The following CELSR1 variants were observed in gnomAD, a reference collection of about 807,000 sequenced individuals.
The protein encoded by CELSR1 is cadherin EGF LAG seven-pass G-type receptor 1.
Under a neutral mutation model 249.1 loss-of-function variants are expected in CELSR1, and 110 were observed. The ratio of observed to expected loss-of-function variants is 0.44; its 90% CI spans 0.38 to 0.52. The LOEUF (loss-of-function observed/expected upper bound fraction) is 0.52. Among genes scored for constraint, CELSR1 ranks in the 20% least tolerant of loss-of-function variants. The probability of loss-of-function intolerance (pLI) is 0.00; values close to 1 mark genes in which losing one functional copy is unlikely to be tolerated. For synonymous variants in CELSR1, 2,113 were observed against 1,900.0 expected (o/e 1.11, Z -2.92); for missense variants, 4,109 against 4,296.4 (o/e 0.96, Z 1.22).
intron 19 of CELSR1, 127 bp from the exon 20 acceptor site, chr22:46,384,813 G>A: frequency 1.9e-6 from 2 of 1,075,910 alleles, no homozygotes; most frequent in Non-Finnish European, 2.5e-6. Context: ...TTTTTGAGGT[G>A]GAGTCTCGCA....
rs370743154 is a variant in CELSR1 at position 46,407,327 on chromosome 22, G to GCA, written c.5226+1667_5226+1668dup. Among the ~76,000 whole-genome samples the GCA allele has an allele frequency of 0.013, 2,035 of 152,000 alleles. 40 individuals carry two copies. The highest frequency in any genetic ancestry group is 0.041 in the African/African-American group (1,703 of 41,444). ...CACACACACTTGCACGGAGATATGC[G>GCA]CACACACACACACAAACTTGGAGAA... On this transcript the variant is annotated intron_variant, in intron 9 of 34. Coordinates refer to ENST00000674500, the MANE Select transcript of CELSR1 (RefSeq NM_001378328.1). This position sits in a 1 kb window ranked among gnomAD's most constrained non-coding sequence, Gnocchi z 4.8.
At chr22:46,520,227 C>T (rs879667518) in intron 1 of CELSR1, among the ~76,000 whole-genome samples, 5 of 152,104 alleles carry the variant, frequency 3.3e-5, no homozygotes, top group Non-Finnish European at 7.4e-5. Flanking sequence ...GGAAAAGGCA[C>T]AGAAGGAAGA....
chr22:46,443,076 G>C (rs527304845), intron 2 of CELSR1, among the ~76,000 whole-genome samples: 119 of 152,082 alleles, frequency 7.8e-4, no homozygotes, highest in Non-Finnish European at 1.4e-3. Context: ...CCAGCCTGGG[G>C]GACAGAGCGA....
At chr22:46,435,995 G>A (rs775695188) in intron 4 of CELSR1, among the ~76,000 whole-genome samples, 179 bp downstream of exon 4, 15 of 152,106 alleles carry the variant, frequency 9.9e-5, no homozygotes, top group African/African-American at 2.2e-4. Flanking sequence ...CACCACGCCC[G>A]GCCTGTTATG....
rs952251583 is a variant in CELSR1 at position 46,408,000 on chromosome 22, A to G, written c.5226+996T>C. On this transcript the variant is annotated intron_variant, in intron 9 of 34. Transcript: ENST00000674500. This position sits in a 1 kb window ranked among gnomAD's most constrained non-coding sequence, Gnocchi z 4.8. ...TGGGGAGGGTCCCCATGGCTGCCTCATGCGGCGGAGGTTGTGGCAGAAGGG... is the reference window on the plus strand; with the variant it reads ...TGGGGAGGGTCCCCATGGCTGCCTCGTGCGGCGGAGGTTGTGGCAGAAGGG... Among the ~76,000 whole-genome samples, 3 of 152,220 alleles carry G rather than the reference A, an allele frequency of 2.0e-5. No homozygotes were observed. Among genetic ancestry groups the G allele is most frequent in the African/African-American group, 7.2e-5 (3 of 41,470 alleles).
In CELSR1 at chr22:46,363,356, G is replaced by A; in HGVS notation, c.9036-109C>T. On this transcript the variant is annotated intron_variant, in intron 34 of 34. Transcript: ENST00000674500. The surrounding 1 kb of genome is among the most constrained non-coding windows in gnomAD (Gnocchi z 4.3). ...GGCAGGATCACCCCATCAGGGTAGA[G>A]GGGGCGTCTGGGGGCTCCAGGGAGG... 1.2e-6 allele frequency: 1 copy of A among 839,144 alleles called. No homozygotes were observed. The highest frequency in any genetic ancestry group is 2.6e-5 in the East Asian group (1 of 37,860). The allele number at this position is 839,144 out of a possible 1,614,324, so 52.0% of individuals were successfully genotyped here. A position where few individuals can be genotyped will look rare whatever the true frequency, so the allele number is the denominator to read the frequency against.
chr22:46,454,514 C>T lies in CELSR1; in HGVS notation c.4183+9193G>A, dbSNP rs930092846. 2.6e-5 allele frequency among the ~76,000 whole-genome samples: 4 copies of T among 152,320 alleles called. No homozygotes were observed. The South Asian group carries it at 8.3e-4, about 32-fold the overall frequency. On this transcript the variant is annotated intron_variant, in intron 2 of 34. Transcript: ENST00000674500. This position sits in a 1 kb window ranked among gnomAD's most constrained non-coding sequence, Gnocchi z 5.1. ...GCACAGACTTCGAAGTCACGGGGAA[C>T]GGCGTGTGCTTTAAACCACAGCGAG...
rs964896323 is a variant in CELSR1, at chr22:46,433,356, C to T, written c.4611+37G>A. On this transcript the variant is annotated intron_variant, in intron 5 of 34. Transcript: ENST00000674500. This position sits in a 1 kb window ranked among gnomAD's most constrained non-coding sequence, Gnocchi z 5.7. ...CGCCCCAGGGCACCTTCTCGAGCCG[C>T]CCTGGGGCCAGGGGGAAGTGGTGGG... is the stretch of plus-strand genomic sequence containing the variant. 3.0e-5 allele frequency: 47 copies of T among 1,574,276 alleles called. No individual in the cohort carries two copies. Among genetic ancestry groups the T allele is most frequent in the Non-Finnish European group, 3.8e-5 (44 of 1,147,778 alleles).
In CELSR1 at chr22:46,533,940, C is replaced by A. The variant is rs747002409; in HGVS notation, c.3231G>T (p.Thr1077=). Residue 1077 remains threonine, a synonymous_variant, in exon 1 of 35, where the codon ACG becomes ACT. Transcript: ENST00000674500. The stretch of plus-strand genomic sequence containing the variant: ...TGGCTCGGCTCACCAGCGGAGCCGA[C>A]GTGGCCTGCACCACCAGCACATACT... ...RREYVLVVQA[T]SAPLVSRATV... is the part of the protein sequence containing the mutation. 6.2e-7 allele frequency: 1 copy of A among 1,613,152 alleles called. No individual in the cohort carries two copies.
chr22:46,489,218 A>G (rs1457677834), intron 1 of CELSR1, among the ~76,000 whole-genome samples: 3 of 151,726 alleles, frequency 2.0e-5, no homozygotes, highest in African/African-American at 7.3e-5. Flanking sequence ...CTTGTCCCCA[A>G]TTCCTCGTCA....
Position 46,512,299 on chromosome 22 carries a change from G to C in CELSR1, c.3544+21328C>G, listed in dbSNP as rs899170046. On this transcript the variant is annotated intron_variant, in intron 1 of 34. Coordinates refer to ENST00000674500, the MANE Select transcript of CELSR1 (RefSeq NM_001378328.1). This position sits in a 1 kb window ranked among gnomAD's most constrained non-coding sequence, Gnocchi z 5.2. Reference sequence around the variant, plus strand: ...TCAAGGTCCAATACTGGCCAGGTGCGGTGGCACATGCCTGTAATCCCAGCA... The same window carrying C: ...TCAAGGTCCAATACTGGCCAGGTGCCGTGGCACATGCCTGTAATCCCAGCA... Among the ~76,000 whole-genome samples the C allele has an allele frequency of 6.6e-6, 1 of 152,198 alleles. No individual in the cohort carries two copies. The highest frequency in any genetic ancestry group is 1.5e-5 in the Non-Finnish European group (1 of 68,032).
chr22:46,388,864 C>G (rs1445971360), intron 18 of CELSR1, among the ~76,000 whole-genome samples: 4 of 152,180 alleles, frequency 2.6e-5, no homozygotes, highest in Admixed American at 1.3e-4. Flanking sequence ...TGGGGGCCCA[C>G]TGCCGGGCCC....
rs927521069 is a variant in CELSR1, at chr22:46,537,087, C to A, written c.84G>T (p.Ala28=). The change falls in exon 1 of 35, where the codon GCG becomes GCT. Residue 28 remains alanine, a synonymous_variant. Coordinates refer to ENST00000674500, the MANE Select transcript of CELSR1 (RefSeq NM_001378328.1). The surrounding 1 kb of genome is among the most constrained non-coding windows in gnomAD (Gnocchi z 5.8). Reference sequence around the variant, plus strand: ...CGGGTACGCGCGGCTCCCAGGCGGCCGCTCGCAGCCCCATCGCCGGCAGGG... The same window carrying A: ...CGGGTACGCGCGGCTCCCAGGCGGCAGCTCGCAGCCCCATCGCCGGCAGGG... ...AAALPAMGLR[A]AAWEPRVPGG... 3.8e-6 allele frequency: 4 copies of A among 1,045,166 alleles called. 1 individual carries two copies. Among genetic ancestry groups the A allele is most frequent in the Non-Finnish European group, 4.6e-6 (4 of 871,810 alleles). 64.7% of individuals were successfully genotyped at this position (1,045,166 alleles called of 1,614,324 possible). A position where few individuals can be genotyped will look rare whatever the true frequency, so the allele number is the denominator to read the frequency against.
Position 46,366,423 on chromosome 22 carries a change from A to T in CELSR1, c.8263T>A (p.Leu2755Met). Reference sequence around the variant, plus strand: ...TCCAGCGAGGCGGTGGACTCGCCCAAGTCTGTGCGCAGCATGTCAGGCCCG... The same window carrying T: ...TCCAGCGAGGCGGTGGACTCGCCCATGTCTGTGCGCAGCATGTCAGGCCCG... ...GDGPDMLRTDLGESTASLDSI... is the reference protein window; with the variant it reads ...GDGPDMLRTDMGESTASLDSI... Residue 2755 changes from leucine (L) to methionine (M), a missense_variant, in exon 30 of 35, where the codon TTG becomes ATG. Physicochemically the swap from Leu to Met is conservative, Grantham distance 15. Around this residue, in one of 7 missense-constraint regions of CELSR1, gnomAD observed 1,805 missense variants for 1,831.6 expected, o/e 0.99. Coordinates refer to ENST00000674500, the MANE Select transcript of CELSR1 (RefSeq NM_001378328.1). 6.5e-7 allele frequency: 1 copy of T among 1,550,110 alleles called. No homozygotes were observed. The highest frequency in any genetic ancestry group is 8.7e-7 in the Non-Finnish European group (1 of 1,146,650).
rs968289085 is a variant in CELSR1 at position 46,447,276 on chromosome 22, T to A, written c.4184-7865A>T. 6.6e-6 allele frequency among the ~76,000 whole-genome samples: 1 copy of A among 152,216 alleles called. No individual in the cohort carries two copies. Among genetic ancestry groups the A allele is most frequent in the Non-Finnish European group, 1.5e-5 (1 of 68,032 alleles). On this transcript the variant is annotated intron_variant, in intron 2 of 34. Transcript: ENST00000674500. The surrounding 1 kb of genome is among the most constrained non-coding windows in gnomAD (Gnocchi z 4.7). ...GTGTCTTTTAGCTCTGTATCTTTTA[T>A]TTTCTAATAGAGCTTTTATAAGACA... is the stretch of plus-strand genomic sequence containing the variant.
intron 1 of CELSR1, among the ~76,000 whole-genome samples, chr22:46,486,103 A>T (rs570571488): frequency 4.8e-4 from 73 of 151,656 alleles, no homozygotes; most frequent in South Asian, 1.5e-3. Context: ...TTGCCCAGCT[A>T]ATTTTTTGTG....
intron 25 of CELSR1, among the ~76,000 whole-genome samples, chr22:46,370,421 CCA>C (rs143718046): frequency 0.042 from 6,342 of 152,072 alleles, 167 homozygotes; most frequent in Non-Finnish European, 0.057. Context: ...CACGTGCACA[CCA>C]CACACACACC....
chr22:46,373,104 G>A (rs751824501), intron 24 of CELSR1, 47 bp from the exon 25 acceptor site: 2 of 1,524,992 alleles, frequency 1.3e-6, no homozygotes, highest in Non-Finnish European at 1.8e-6. Flanking sequence ...ATCCCAGGCT[G>A]AGGTCAGACA....
In CELSR1 at chr22:46,410,500, G is replaced by A; in HGVS notation, c.4831C>T (p.Pro1611Ser). Residue 1611 changes from proline (P) to serine (S), a missense_variant, in exon 7 of 35, where the codon CCA becomes TCA. Coordinates refer to ENST00000674500, the MANE Select transcript of CELSR1 (RefSeq NM_001378328.1). This position sits in a 1 kb window ranked among gnomAD's most constrained non-coding sequence, Gnocchi z 6.8. ...CCCACGAACTGCCGGTTGTGCACTG[G>A]GAAGTCTTCTGGCAGGTTGGGGACA... ...GGVPNLPEDF[P>S]VHNRQFVGCM... 1 of 1,614,124 alleles carries A rather than the reference G, an allele frequency of 6.2e-7. No homozygotes were observed. Among genetic ancestry groups the A allele is most frequent in the Non-Finnish European group, 8.5e-7 (1 of 1,180,024 alleles).
Sources: allele counts gnomAD v4.1 joint callset (sites outside exome capture counted in the v4.1 genomes callset), GRCh38; gene constraint gnomAD v4.1.1; regional missense constraint gnomAD v4.1.1; non-coding constraint Gnocchi (gnomAD v3.1); transcripts MANE v1.5; gene names NCBI Gene and HGNC (gene_info 2026-07-23, HGNC 2026-07-21).